Variants in LRP1B observed in about 807,000 individuals in gnomAD.
LRP1B encodes the protein low-density lipoprotein receptor-related protein 1B.
LRP1B carries 217 observed loss-of-function variants against 556.6 expected under a neutral mutation model. The ratio of observed to expected loss-of-function variants is 0.39; its 90% CI spans 0.35 to 0.44. The LOEUF (loss-of-function observed/expected upper bound fraction) is 0.44, where lower values mean the gene tolerates loss of function less well. Among genes scored for constraint, LRP1B ranks in the 20% least tolerant of loss-of-function variants. The probability of loss-of-function intolerance (pLI) is 1.00; values close to 1 mark genes in which losing one functional copy is unlikely to be tolerated. For synonymous variants in LRP1B, 2,047 were observed against 1,865.8 expected, an observed-to-expected ratio of 1.10 and a Z score of -2.50; for missense variants, 5,053 against 5,620.8, an observed-to-expected ratio of 0.90 and a Z score of 3.23.
chr2:140,981,538 A>G (rs989204365), intron 18 of LRP1B, among the ~76,000 whole-genome samples: 9 of 152,140 alleles, frequency 5.9e-5, no homozygotes, highest in African/African-American at 2.2e-4. Context: ...CATGAGTACA[A>G]TGAGAGTAGT....
intron 2 of LRP1B, among the ~76,000 whole-genome samples, chr2:141,611,544 G>C (rs983721020): frequency 6.6e-6 from 1 of 152,184 alleles, no homozygotes; most frequent in Non-Finnish European, 1.5e-5. Context: ...TCTGCAGCTA[G>C]TACAAAAGGA....
At chr2:141,061,299 T>C (rs1055179853) in intron 8 of LRP1B, among the ~76,000 whole-genome samples, 3 of 151,774 alleles carry the variant, frequency 2.0e-5, no homozygotes, top group Admixed American at 6.6e-5. Flanking sequence ...AATCACAGAA[T>C]GTACCTGTCT....
chr2:141,661,457 C>T (rs1410774391), intron 2 of LRP1B, among the ~76,000 whole-genome samples: 1 of 152,122 alleles, frequency 6.6e-6, no homozygotes, highest in Non-Finnish European at 1.5e-5. Flanking sequence ...AGCTGTTAAC[C>T]AGAATAGCCA....
At position 141,478,510 on chromosome 2, in the gene LRP1B, C is replaced by G. The variant is rs368456679; in HGVS notation, c.343+1886G>C. Among the ~76,000 whole-genome samples, 97 of 136,910 alleles carry G rather than the reference C, an allele frequency of 7.1e-4. No individual in the cohort carries two copies. The South Asian group carries it at 0.023, about 32-fold the overall frequency. 89.8% of individuals were successfully genotyped at this position (136,910 alleles called of 152,430 possible). On this transcript the variant is annotated intron_variant, in intron 3 of 90. Coordinates refer to ENST00000389484, the MANE Select transcript of LRP1B (RefSeq NM_018557.3). ...TAAAAATCCTTCTTTCCTTCTTTCCCTCCCTCCCTTCCTCCCTCCCTCCCT... is the reference window on the plus strand; with the variant it reads ...TAAAAATCCTTCTTTCCTTCTTTCCGTCCCTCCCTTCCTCCCTCCCTCCCT...
intron 41 of LRP1B, among the ~76,000 whole-genome samples, chr2:140,678,958 G>T (rs1023534570): frequency 6.6e-6 from 1 of 151,974 alleles, no homozygotes; most frequent in African/African-American, 2.4e-5. Context: ...TCATGTTTTT[G>T]TAGAGACAGG....
intron 31 of LRP1B, among the ~76,000 whole-genome samples, chr2:140,832,283 G>C (rs1338409762): frequency 6.6e-6 from 1 of 151,966 alleles, no homozygotes; most frequent in Non-Finnish European, 1.5e-5. Context: ...TGGTATATGT[G>C]GGTGGTCCTG....
intron 5 of LRP1B, among the ~76,000 whole-genome samples, chr2:141,246,087 C>A (rs1313077120): frequency 1.3e-5 from 2 of 151,944 alleles, no homozygotes; most frequent in East Asian, 1.9e-4. Context: ...AATGGCAATG[C>A]TATAAAGAAA....
chr2:140,743,978 A>AG (rs1320174155), intron 35 of LRP1B, among the ~76,000 whole-genome samples: 445 of 42,722 alleles, frequency 0.01, 14 homozygotes, highest in African/African-American at 0.027. Context: ...AAAAAAAAAA[A>AG]AAAAAAAAAA....
intron 89 of LRP1B, 46 bp downstream of exon 89, chr2:140,238,106 C>T: frequency 6.6e-7 from 1 of 1,509,060 alleles, no homozygotes; most frequent in Non-Finnish European, 8.9e-7. Context: ...AGAGATGCGA[C>T]TCAAGAATGT....
Position 140,370,810 on chromosome 2 carries a change from C to A in LRP1B, c.10908G>T (p.Gln3636His), listed in dbSNP as rs950938230. The A allele has an allele frequency of 1.2e-6, 2 of 1,612,550 alleles. No individual in the cohort carries two copies. Among genetic ancestry groups the A allele is most frequent in the Admixed American group, 1.7e-5 (1 of 59,868 alleles). Residue 3636 changes from glutamine to histidine, a missense_variant, in exon 71 of 91, where the codon CAG becomes CAT. By Grantham distance (24) the Gln-to-His change is conservative (BLOSUM62 0). Around this residue, in one of 5 missense-constraint regions of LRP1B, gnomAD observed 599 missense variants for 648.4 expected, o/e 0.92. Coordinates refer to ENST00000389484, the MANE Select transcript of LRP1B (RefSeq NM_018557.3). ...MDCVTECKED[Q>H]FRCKNKAHCI... ...AGTGGGCTTTATTTTTGCACCGAAA[C>A]TGATCTTCCTTACATTCAGTCACAC...
At chr2:141,999,880 A>C (rs1702604777) in intron 1 of LRP1B, among the ~76,000 whole-genome samples, 1 of 151,720 alleles carries the variant, frequency 6.6e-6, no homozygotes. Context: ...CAAACTCCCT[A>C]ATTTGGTAAT....
At chr2:141,058,812 A>T (rs1699256674) in intron 9 of LRP1B, 71 bp downstream of exon 9, 2 of 1,317,622 alleles carry the variant, frequency 1.5e-6, no homozygotes, top group Admixed American at 5.5e-5. Context: ...TCAACACCAT[A>T]CAAAAGCACA....
rs147402550 is a variant in LRP1B, at chr2:140,994,107, T to C, written c.2532A>G (p.Ile844Met). The change falls in exon 16 of 91, where the codon ATA becomes ATG. Residue 844 changes from isoleucine (I) to methionine (M), a missense_variant. Around this residue, in one of 5 missense-constraint regions of LRP1B, gnomAD observed 3,619 missense variants for 3,931.9 expected, o/e 0.92. Coordinates refer to ENST00000389484, the MANE Select transcript of LRP1B (RefSeq NM_018557.3). ...TFNPGEALPH[I>M]CKAGEFRCKN... ...TGCAGCGAAACTCTCCAGCTTTACA[T>C]ATGTGAGGTAGTGCTTCTCCAGGAT... 4.7e-3 allele frequency: 7,606 copies of C among 1,612,528 alleles called. 94 individuals are homozygous for C. The highest frequency in any genetic ancestry group is 0.035 in the South Asian group (3,155 of 91,038).
intron 6 of LRP1B, among the ~76,000 whole-genome samples, chr2:141,199,966 C>G (rs1558927922): frequency 6.6e-6 from 1 of 151,990 alleles, no homozygotes; most frequent in African/African-American, 2.4e-5. Flanking sequence ...ACACTCACAC[C>G]CTGTTGGTGG....
chr2:141,429,972 C>G (rs1198148720), intron 3 of LRP1B, among the ~76,000 whole-genome samples: 1 of 152,174 alleles, frequency 6.6e-6, no homozygotes, highest in Non-Finnish European at 1.5e-5. Flanking sequence ...ACCACTCTAA[C>G]AGTCTGTCTG....
chr2:140,556,325 A>C (rs111498685), intron 43 of LRP1B, among the ~76,000 whole-genome samples: 1 of 151,960 alleles, frequency 6.6e-6, no homozygotes, highest in Non-Finnish European at 1.5e-5. Context: ...AGGCCCCCCC[A>C]CAATGTACTC....
At chr2:140,670,010 T>G (rs1685423043) in intron 41 of LRP1B, among the ~76,000 whole-genome samples, 1 of 152,126 alleles carries the variant, frequency 6.6e-6, no homozygotes, top group Non-Finnish European at 1.5e-5. Context: ...GTTAAAATAT[T>G]TTCTCTAAAT....
At chr2:140,896,251 CTG>C (rs1017802091) in intron 23 of LRP1B, among the ~76,000 whole-genome samples, 14 of 151,578 alleles carry the variant, frequency 9.2e-5, no homozygotes, top group African/African-American at 3.4e-4. Flanking sequence ...TATGAGAAAA[CTG>C]AGATTTGAGA....
intron 1 of LRP1B, among the ~76,000 whole-genome samples, chr2:141,909,528 T>A (rs1027167934): frequency 0.11 from 1,734 of 15,696 alleles, 81 homozygotes; most frequent in Admixed American, 0.19. Context: ...TCTCAGACAT[T>A]TTTTTTTTTT....
Sources: gnomAD v4.1 joint callset for allele counts (sites outside exome capture counted in the v4.1 genomes callset) on GRCh38, gnomAD v4.1.1 for gene constraint, gnomAD v4.1.1 regional missense constraint, MANE v1.5 for transcripts, NCBI Gene and HGNC (gene_info 2026-07-23, HGNC 2026-07-21) for gene names.